Variants in MLLT3 observed in about 807,000 individuals in gnomAD.
MLLT3 encodes the protein protein AF-9.
MLLT3 carries 4 observed loss-of-function variants against 53.2 expected under a neutral mutation model. The ratio of observed to expected loss-of-function variants is 0.08; its 90% CI spans 0.04 to 0.17. MLLT3 has a LOEUF of 0.17. Among genes scored for constraint, MLLT3 ranks in the 10% least tolerant of loss-of-function variants. MLLT3 has a pLI of 1.00. For missense variants in MLLT3, 569 were observed against 684.0 expected, an observed-to-expected ratio of 0.83 and a Z score of 1.87; for synonymous variants, 283 against 230.6, an observed-to-expected ratio of 1.23 and a Z score of -2.06.
intron 4 of MLLT3, among the ~76,000 whole-genome samples, chr9:20,415,836 T>A (rs1051315603): frequency 6.6e-6 from 1 of 152,036 alleles, no homozygotes; most frequent in African/African-American, 2.4e-5. Flanking sequence ...AAATGAAAAC[T>A]TATTGTTCTA....
intron 4 of MLLT3, among the ~76,000 whole-genome samples, chr9:20,436,957 G>C (rs143585027): frequency 6.6e-6 from 1 of 151,990 alleles, no homozygotes; most frequent in East Asian, 1.9e-4. Context: ...CTATATCCTG[G>C]TAGATGGTAC....
At chr9:20,514,078 T>C (rs1232981575) in intron 2 of MLLT3, among the ~76,000 whole-genome samples, 1 of 152,086 alleles carries the variant, frequency 6.6e-6, no homozygotes, top group Non-Finnish European at 1.5e-5. Flanking sequence ...AGGGGTTGAC[T>C]GATACGAGGC....
chr9:20,350,914 C>T (rs142877746), intron 10 of MLLT3, among the ~76,000 whole-genome samples: 12 of 152,240 alleles, frequency 7.9e-5, no homozygotes, highest in Middle Eastern at 6.8e-3. Flanking sequence ...GCAGCCTCTT[C>T]GCTGTGTGGG....
chr9:20,460,879 A>G (rs1361268207), intron 2 of MLLT3, among the ~76,000 whole-genome samples: 2 of 152,226 alleles, frequency 1.3e-5, no homozygotes, highest in South Asian at 4.1e-4. Context: ...AAGTGTTGCC[A>G]CAGAGGAAAT....
At chr9:20,608,386 A>G (rs893459933) in intron 2 of MLLT3, among the ~76,000 whole-genome samples, 1 of 151,952 alleles carries the variant, frequency 6.6e-6, no homozygotes, top group Non-Finnish European at 1.5e-5. Context: ...AAGGGCCAGA[A>G]CTTTTCAAAA....
At chr9:20,356,281 C>T (rs1474703754) in intron 8 of MLLT3, among the ~76,000 whole-genome samples, 1 of 152,066 alleles carries the variant, frequency 6.6e-6, no homozygotes, top group Admixed American at 6.5e-5. Context: ...AACCAAATGA[C>T]TAATTTGACC....
intron 4 of MLLT3, among the ~76,000 whole-genome samples, chr9:20,443,851 C>A (rs749308012): frequency 8.5e-5 from 13 of 152,174 alleles, no homozygotes; most frequent in Non-Finnish European, 1.8e-4. Context: ...AGCTAATAAA[C>A]TGAGATGCAA....
At chr9:20,566,428 A>G (rs1272985867) in intron 2 of MLLT3, among the ~76,000 whole-genome samples, 2 of 152,124 alleles carry the variant, frequency 1.3e-5, no homozygotes, top group Non-Finnish European at 2.9e-5. Flanking sequence ...AAGTTCAAAC[A>G]ATACGTAGGC....
At chr9:20,502,098 G>T (rs6475450) in intron 2 of MLLT3, among the ~76,000 whole-genome samples, 64 of 134,284 alleles carry the variant, frequency 4.8e-4, no homozygotes, top group African/African-American at 1.5e-3. Context: ...AAAAAAGGGG[G>T]GGGGGGGGAC....
intron 2 of MLLT3, among the ~76,000 whole-genome samples, chr9:20,521,291 G>T (rs1456568847): frequency 6.6e-6 from 1 of 152,012 alleles, no homozygotes; most frequent in Non-Finnish European, 1.5e-5. Context: ...GTCTGGTTTC[G>T]AACTCCTGAC....
intron 5 of MLLT3, among the ~76,000 whole-genome samples, chr9:20,372,554 A>ATTTTTTTTT (rs34889625): frequency 6.1e-5 from 5 of 82,224 alleles, no homozygotes; most frequent in Non-Finnish European, 9.0e-5. Flanking sequence ...CGCCCGGCTA[A>ATTTTTTTTT]TTTTTTTTTT....
chr9:20,468,870 G>A (rs1415561233), intron 2 of MLLT3, among the ~76,000 whole-genome samples: 1 of 152,164 alleles, frequency 6.6e-6, no homozygotes, highest in Non-Finnish European at 1.5e-5. Context: ...CACATCTGCT[G>A]TTAACACGAT....
At chr9:20,419,366 C>T (rs1822950602) in intron 4 of MLLT3, among the ~76,000 whole-genome samples, 1 of 151,460 alleles carries the variant, frequency 6.6e-6, no homozygotes, top group Non-Finnish European at 1.5e-5. Context: ...AGAGAAGAGC[C>T]TTGAATGGAT....
chr9:20,571,151 G>T (rs1201724033), intron 2 of MLLT3, among the ~76,000 whole-genome samples: 2 of 152,174 alleles, frequency 1.3e-5, no homozygotes, highest in African/African-American at 4.8e-5. Context: ...GGGAAACAAA[G>T]ATTTATTTTC....
At chr9:20,453,760 A>G (rs1823895245) in intron 3 of MLLT3, among the ~76,000 whole-genome samples, 1 of 152,194 alleles carries the variant, frequency 6.6e-6, no homozygotes, top group Non-Finnish European at 1.5e-5. Context: ...TATTTCTGCA[A>G]CTTTTAAGTC....
intron 2 of MLLT3, among the ~76,000 whole-genome samples, chr9:20,583,235 C>A (rs1289495840): frequency 6.6e-6 from 1 of 152,180 alleles, no homozygotes; most frequent in Non-Finnish European, 1.5e-5. Flanking sequence ...AGAGATCGTG[C>A]TGATACCAAG....
chr9:20,431,102 G>A (rs190930243), intron 4 of MLLT3, among the ~76,000 whole-genome samples: 9 of 152,080 alleles, frequency 5.9e-5, no homozygotes, highest in African/African-American at 2.2e-4. Context: ...TTTACATGCT[G>A]ACATGAGACT....
chr9:20,574,204 T>C (rs1014478467), intron 2 of MLLT3, among the ~76,000 whole-genome samples: 7 of 152,122 alleles, frequency 4.6e-5, no homozygotes, highest in Non-Finnish European at 1.0e-4. Flanking sequence ...CAAATCACAA[T>C]TAAGAGACCC....
intron 2 of MLLT3, among the ~76,000 whole-genome samples, chr9:20,522,040 GT>G (rs1818075986): frequency 6.7e-6 from 1 of 150,142 alleles, no homozygotes; most frequent in Admixed American, 6.6e-5. Context: ...GAAATATGTG[GT>G]GGAAACTTTC....
Sources: allele counts gnomAD v4.1 joint callset (sites outside exome capture counted in the v4.1 genomes callset), GRCh38; gene constraint gnomAD v4.1.1; transcripts MANE v1.5; gene names NCBI Gene and HGNC (gene_info 2026-07-23, HGNC 2026-07-21).